PCDH11X: variants seen among roughly 807,000 people sequenced by gnomAD.
PCDH11X encodes protocadherin 11 X-linked, also known as protocadherin-11 X-linked.
In PCDH11X, 18 loss-of-function variants were observed where a neutral mutation model predicts 53.3. The observed-to-expected ratio is 0.34, with a 90% CI of 0.23 to 0.50. The LOEUF (loss-of-function observed/expected upper bound fraction) is 0.50. Among genes scored for constraint, PCDH11X ranks in the 20% least tolerant of loss-of-function variants. PCDH11X has a pLI of 0.98. For synonymous variants in PCDH11X, 279 were observed against 393.3 expected (o/e 0.71, Z 3.44); for missense variants, 570 against 1,032.4 (o/e 0.55, Z 6.14).
intron 9 of PCDH11X, among the ~76,000 whole-genome samples, chrX:92,456,231 ATATCT>A (rs1476705832): frequency 8.9e-6 from 1 of 111,841 alleles, no homozygotes; most frequent in African/African-American, 3.2e-5. Context: ...GTTTAAATAA[ATATCT>A]TAGCTAGTCA....
At chrX:91,833,108 T>G (rs1186147033) in intron 4 of PCDH11X, among the ~76,000 whole-genome samples, 1 of 100,819 alleles carries the variant, frequency 9.9e-6, no homozygotes, top group Non-Finnish European at 2.0e-5. Flanking sequence ...TGCAATGTTT[T>G]TAAAAACAGT....
chrX:92,517,698 T>A (rs2148712895), intron 10 of PCDH11X, among the ~76,000 whole-genome samples: 1 of 110,515 alleles, frequency 9.0e-6, no homozygotes, highest in South Asian at 3.9e-4. Context: ...AAATCAAATT[T>A]ATTTTCTAAA....
intron 6 of PCDH11X, among the ~76,000 whole-genome samples, chrX:92,037,115 G>A (rs1447108725): frequency 1.8e-5 from 2 of 111,335 alleles, no homozygotes; most frequent in African/African-American, 3.3e-5. Context: ...ATAGGTATAC[G>A]TGTGCCACGG....
At chrX:92,213,232 T>C (rs1188923068) in intron 7 of PCDH11X, among the ~76,000 whole-genome samples, 1 of 112,373 alleles carries the variant, frequency 8.9e-6, no homozygotes, top group Non-Finnish European at 1.9e-5. Flanking sequence ...AGTCCTAAGA[T>C]TTTGTCATTG....
chrX:92,573,473 T>G (rs1922447221), intron 10 of PCDH11X, among the ~76,000 whole-genome samples: 1 of 111,330 alleles, frequency 9.0e-6, no homozygotes, highest in African/African-American at 3.3e-5. Flanking sequence ...TAAAGTATCA[T>G]GAACCATGTG....
intron 7 of PCDH11X, among the ~76,000 whole-genome samples, chrX:92,213,775 C>T (rs1231975000): frequency 8.9e-6 from 1 of 111,971 alleles, no homozygotes; most frequent in Non-Finnish European, 1.9e-5. Flanking sequence ...AAAAAAGTTG[C>T]TAACTATGCC....
intron 6 of PCDH11X, among the ~76,000 whole-genome samples, chrX:92,126,133 A>AAAAAT (rs1466150803): frequency 9.1e-6 from 1 of 109,891 alleles, no homozygotes; most frequent in Non-Finnish European, 1.9e-5. Flanking sequence ...GTCTCAAAAA[A>AAAAAT]AAAATAAAAT....
intron 9 of PCDH11X, among the ~76,000 whole-genome samples, chrX:92,435,196 G>T (rs1225428282): frequency 9.1e-6 from 1 of 110,184 alleles, no homozygotes; most frequent in African/African-American, 3.3e-5. Context: ...AAATCTTGAA[G>T]ACTGGCTCTC....
At chrX:92,451,615 A>G (rs950679823) in intron 9 of PCDH11X, among the ~76,000 whole-genome samples, 1 of 111,308 alleles carries the variant, frequency 9.0e-6, no homozygotes, top group Non-Finnish European at 1.9e-5. Context: ...GTGTTTGCTA[A>G]GTAGGCATAT....
At position 91,969,771 on chromosome X, in the gene PCDH11X, T is replaced by C. The variant is rs760449799; in HGVS notation, c.3033+90498T>C. Among the ~76,000 whole-genome samples the C allele has an allele frequency of 5.9e-3, 587 of 98,716 alleles. 3 individuals carry two copies. Among genetic ancestry groups the C allele is most frequent in the Middle Eastern group, 0.021 (4 of 187 alleles). The allele number at this position is 98,716 out of a possible 115,157, so 85.7% of individuals were successfully genotyped here. A position where few individuals can be genotyped will look rare whatever the true frequency, so the allele number is the denominator to read the frequency against. Reference sequence around the variant, plus strand: ...GTGACTGTGCCACTGCACTGCAGCCTGGGTGACTGAGTCGCCCTTGTCTCA... The same window carrying C: ...GTGACTGTGCCACTGCACTGCAGCCCGGGTGACTGAGTCGCCCTTGTCTCA... On this transcript the variant is annotated intron_variant, in intron 6 of 10. Coordinates refer to ENST00000682573, the MANE Select transcript of PCDH11X (RefSeq NM_032968.5).
At chrX:92,072,786 T>G (rs1602826847) in intron 6 of PCDH11X, among the ~76,000 whole-genome samples, 1 of 111,361 alleles carries the variant, frequency 9.0e-6, no homozygotes, top group Admixed American at 9.5e-5. Flanking sequence ...AGCACTCCCA[T>G]AGCCTCACCA....
At chrX:92,232,840 C>T (rs1391159028) in intron 7 of PCDH11X, among the ~76,000 whole-genome samples, 1 of 111,461 alleles carries the variant, frequency 9.0e-6, no homozygotes, top group Non-Finnish European at 1.9e-5. Flanking sequence ...CTCAGCATCG[C>T]GAGTAGCTGG....
At chrX:91,918,752 T>C (rs1404365361) in intron 6 of PCDH11X, among the ~76,000 whole-genome samples, 1 of 111,779 alleles carries the variant, frequency 8.9e-6, no homozygotes, top group Non-Finnish European at 1.9e-5. Context: ...TTAAACCTCC[T>C]GGTAAATCAA....
intron 8 of PCDH11X, among the ~76,000 whole-genome samples, chrX:92,325,414 C>T (rs754836471): frequency 9.0e-6 from 1 of 110,968 alleles, no homozygotes; most frequent in East Asian, 2.9e-4. Context: ...GACAATCAAA[C>T]ATAATATTAA....
intron 6 of PCDH11X, among the ~76,000 whole-genome samples, chrX:91,953,543 C>A (rs1409896808): frequency 9.1e-6 from 1 of 109,947 alleles, no homozygotes; most frequent in Non-Finnish European, 1.9e-5. Flanking sequence ...AATTCAGTAT[C>A]CACCAGTAAT....
At chrX:92,279,430 T>A (rs1234600617) in intron 8 of PCDH11X, among the ~76,000 whole-genome samples, 1 of 112,252 alleles carries the variant, frequency 8.9e-6, no homozygotes, top group African/African-American at 3.2e-5. Flanking sequence ...CCCTTAATAT[T>A]TTCCGTAGTC....
In PCDH11X at chrX:91,887,655, C is replaced by G. The variant is rs762663582; in HGVS notation, c.3033+8382C>G. ...AGCTAGAGCAGTGAGTTCTTTATAA[C>G]AGTAATTCTGTTTGAAGGCTATATA... On this transcript the variant is annotated intron_variant, in intron 6 of 10. Coordinates refer to ENST00000682573, the MANE Select transcript of PCDH11X (RefSeq NM_032968.5). Among the ~76,000 whole-genome samples the G allele has an allele frequency of 9.8e-5, 11 of 111,845 alleles. No homozygotes were observed. In the East Asian group the frequency reaches 3.1e-3, roughly 31 times the overall value.
At chrX:91,904,668 A>G (rs1445309949) in intron 6 of PCDH11X, among the ~76,000 whole-genome samples, 2 of 111,180 alleles carry the variant, frequency 1.8e-5, no homozygotes, top group African/African-American at 6.5e-5. Context: ...CTGTGTGCTC[A>G]TTTTTTATTT....
At chrX:92,051,087 T>G (rs2063361271) in intron 6 of PCDH11X, among the ~76,000 whole-genome samples, 1 of 111,881 alleles carries the variant, frequency 8.9e-6, no homozygotes, top group African/African-American at 3.2e-5. Flanking sequence ...ATTGATAGAT[T>G]TAGGGATAGA....
Sources: allele counts gnomAD v4.1 joint callset (sites outside exome capture counted in the v4.1 genomes callset), GRCh38; gene constraint gnomAD v4.1.1; transcripts MANE v1.5; gene names NCBI Gene and HGNC (gene_info 2026-07-23, HGNC 2026-07-21).